PPEF1: variants seen among roughly 807,000 people sequenced by gnomAD.
The protein encoded by PPEF1 is protein phosphatase with EF-hand domain 1.
Under a neutral mutation model 53.3 loss-of-function variants are expected in PPEF1, and 12 were observed. That is an observed-to-expected ratio of 0.23 (90% CI 0.14 to 0.36). The LOEUF is 0.36. Ranked by LOEUF, PPEF1 falls within the 10% of genes least tolerant of loss-of-function variation. PPEF1 has a pLI of 1.00. For synonymous variants in PPEF1, 165 were observed against 176.7 expected (o/e 0.93, Z 0.52); for missense variants, 334 against 490.4 (o/e 0.68, Z 3.01).
chrX:18,694,861 T>A (rs901278591), intron 4 of PPEF1, among the ~76,000 whole-genome samples: 4 of 112,262 alleles, frequency 3.6e-5, no homozygotes, highest in Non-Finnish European at 3.8e-5. Context: ...AAACTCACTG[T>A]CAGTTCAGTG....
At chrX:18,722,772 G>A (rs967381885) in intron 1 of PPEF1, among the ~76,000 whole-genome samples, 5 of 111,341 alleles carry the variant, frequency 4.5e-5, no homozygotes, top group African/African-American at 1.6e-4. Context: ...ATATCACATG[G>A]TGATAAGTGC....
chrX:18,681,866 G>A (rs760560532), upstream of PPEF1, among the ~76,000 whole-genome samples: 6 of 111,382 alleles, frequency 5.4e-5, no homozygotes, highest in African/African-American at 3.3e-5. Flanking sequence ...TAGACAGGTT[G>A]GCCTGAGTTT....
intron 3 of PPEF1, among the ~76,000 whole-genome samples, chrX:18,742,943 C>G (rs2045216045): frequency 8.9e-6 from 1 of 112,210 alleles, no homozygotes; most frequent in African/African-American, 3.2e-5. Flanking sequence ...ATGGCTGGGT[C>G]CAAGAGGGCA....
chrX:18,696,319 A>ATT lies in PPEF1; in HGVS notation c.-312-1511_-312-1510dup, dbSNP rs34503947. 2.6e-3 allele frequency among the ~76,000 whole-genome samples: 252 copies of ATT among 95,727 alleles called. 2 individuals carry two copies. Among genetic ancestry groups the ATT allele is most frequent in the Middle Eastern group, 5.4e-3 (1 of 184 alleles). The allele number at this position is 95,727 out of a possible 115,157, so 83.1% of individuals were successfully genotyped here. A position where few individuals can be genotyped will look rare whatever the true frequency, so the allele number is the denominator to read the frequency against. On this transcript the variant is annotated intron_variant, in intron 4 of 21. Coordinates refer to the PPEF1 transcript ENST00000361511. ...AGGCATGTCCCACCACACCCAGCTA[A>ATT]TTTTTTTTTTTTTTTTAGTAGAGAG...
At chrX:18,681,898 C>T (rs1182052200), upstream of PPEF1, among the ~76,000 whole-genome samples, 17 of 111,629 alleles carry the variant, frequency 1.5e-4, no homozygotes, top group Admixed American at 1.6e-3. Flanking sequence ...CTCCATGTTA[C>T]ATAACTGCAG....
At chrX:18,786,147 A>C (rs775551298) in intron 9 of PPEF1, among the ~76,000 whole-genome samples, 1 of 112,094 alleles carries the variant, frequency 8.9e-6, no homozygotes, top group South Asian at 3.8e-4. Context: ...CAGTCATGGC[A>C]GCCTCTTCCA....
intron 1 of PPEF1, among the ~76,000 whole-genome samples, chrX:18,684,245 C>T (rs1928981800): frequency 9.0e-6 from 1 of 111,654 alleles, no homozygotes; most frequent in Non-Finnish European, 1.9e-5. Context: ...CATGAGTTAA[C>T]CCAAAGGACT....
chrX:18,738,844 T>C (rs2045065210), intron 3 of PPEF1, among the ~76,000 whole-genome samples: 1 of 111,625 alleles, frequency 9.0e-6, no homozygotes, highest in Non-Finnish European at 1.9e-5. Context: ...CTTTTTTCTC[T>C]GAACTTCTCT....
chrX:18,739,040 A>C (rs1367356984), intron 3 of PPEF1, among the ~76,000 whole-genome samples: 1 of 111,667 alleles, frequency 9.0e-6, no homozygotes, highest in Non-Finnish European at 1.9e-5. Flanking sequence ...ATCTTTTTTC[A>C]AGGTTTTTAA....
chrX:18,733,544 G>T (rs1221916496), intron 2 of PPEF1, among the ~76,000 whole-genome samples: 2 of 111,794 alleles, frequency 1.8e-5, no homozygotes, highest in African/African-American at 6.5e-5. Context: ...AGCCCCACAG[G>T]AGGGGCGTTC....
chrX:18,792,748 C>G lies in PPEF1; in HGVS notation c.1065+3475C>G, dbSNP rs146771618. ...CAATGAATTGGACAAAACGCACAAA[C>G]AAAGCAAGGAAGGAATGAAGGGTTT... On this transcript the variant is annotated intron_variant, in intron 10 of 15. Transcript: ENST00000470157. 4.3e-3 allele frequency among the ~76,000 whole-genome samples: 482 copies of G among 111,675 alleles called. 3 individuals are homozygous for G. Among genetic ancestry groups the G allele is most frequent in the African/African-American group, 0.015 (466 of 30,774 alleles).
chrX:18,760,712 A>G (rs1177949725), intron 5 of PPEF1, among the ~76,000 whole-genome samples: 2 of 108,868 alleles, frequency 1.8e-5, no homozygotes, highest in Non-Finnish European at 3.8e-5. Flanking sequence ...GGGTCAAGCA[A>G]TCTTCCCACC....
intron 6 of PPEF1, among the ~76,000 whole-genome samples, chrX:18,762,700 A>G (rs778440502): frequency 5.4e-4 from 60 of 111,786 alleles, no homozygotes; most frequent in African/African-American, 1.9e-3. Context: ...TTGCCATGGC[A>G]TTTGTAAGCT....
At chrX:18,706,745 C>G (rs1345685844), upstream of PPEF1, among the ~76,000 whole-genome samples, 5 of 93,361 alleles carry the variant, frequency 5.4e-5, no homozygotes, top group African/African-American at 2.0e-4. Context: ...GACTCCGTCT[C>G]AAAAAATAAA....
intron 6 of PPEF1, among the ~76,000 whole-genome samples, chrX:18,763,085 C>T (rs1478479070): frequency 1.8e-5 from 2 of 112,002 alleles, no homozygotes; most frequent in African/African-American, 6.5e-5. Context: ...TAAGTGTGCA[C>T]TCATCTAAAG....
upstream of PPEF1, among the ~76,000 whole-genome samples, chrX:18,703,291 C>A (rs2044125323): frequency 9.0e-6 from 1 of 111,473 alleles, no homozygotes; most frequent in East Asian, 2.8e-4. Flanking sequence ...TAAAAATAAA[C>A]TGATAATAAT....
At chrX:18,772,559 A>G (rs769531225) in intron 6 of PPEF1, among the ~76,000 whole-genome samples, 40 of 112,021 alleles carry the variant, frequency 3.6e-4, no homozygotes, top group African/African-American at 1.3e-3. Context: ...ATTGATTGGA[A>G]TAGTTTCAGA....
rs765720334 is a variant in PPEF1, at chrX:18,747,649, T to C, written c.236-2143T>C. Among the ~76,000 whole-genome samples, 9 of 111,855 alleles carry C rather than the reference T, an allele frequency of 8.0e-5. No homozygotes were observed. In the South Asian group the frequency reaches 3.0e-3, roughly 38 times the overall value. Reference sequence around the variant, plus strand: ...ACTATGCCCAGCTAGTTTTTTTGTATTTTTTGTAGAGACGAGGTTTCACCA... The same window carrying C: ...ACTATGCCCAGCTAGTTTTTTTGTACTTTTTGTAGAGACGAGGTTTCACCA... On this transcript the variant is annotated intron_variant, in intron 3 of 15. Coordinates refer to ENST00000470157, the MANE Select transcript of PPEF1 (RefSeq NM_001377996.1).
chrX:18,744,001 G>T (rs1457282251), intron 3 of PPEF1, among the ~76,000 whole-genome samples: 1 of 109,108 alleles, frequency 9.2e-6, no homozygotes, highest in African/African-American at 3.3e-5. Context: ...AGTGATTCTC[G>T]TGCCTCAGGC....
Sources: allele counts gnomAD v4.1 joint callset (sites outside exome capture counted in the v4.1 genomes callset), GRCh38; gene constraint gnomAD v4.1.1; transcripts MANE v1.5; gene names NCBI Gene and HGNC (gene_info 2026-07-23, HGNC 2026-07-21).